Variants in DACH1 observed in about 807,000 individuals in gnomAD.
The protein encoded by DACH1 is dachshund homolog 1.
A neutral mutation model predicts 54.2 loss-of-function variants in DACH1; 12 were observed. That is an observed-to-expected ratio of 0.22 (90% CI 0.14 to 0.36). The LOEUF (loss-of-function observed/expected upper bound fraction) is 0.36. Ranked by LOEUF, DACH1 falls within the 10% of genes least tolerant of loss-of-function variation. The probability of loss-of-function intolerance (pLI) is 1.00; values close to 1 mark genes in which losing one functional copy is unlikely to be tolerated. For synonymous variants in DACH1, 386 were observed against 366.2 expected (o/e 1.05, Z -0.62); for missense variants, 805 against 929.8 (o/e 0.87, Z 1.75).
At chr13:71,825,440 C>T (rs1006523883) in intron 1 of DACH1, among the ~76,000 whole-genome samples, 11 of 151,966 alleles carry the variant, frequency 7.2e-5, no homozygotes, top group Non-Finnish European at 1.3e-4. Context: ...TAAAAGAAAC[C>T]ACATACTTAT....
intron 6 of DACH1, among the ~76,000 whole-genome samples, chr13:71,543,281 T>C (rs1883252084): frequency 6.6e-6 from 1 of 152,104 alleles, no homozygotes; most frequent in South Asian, 2.1e-4. Context: ...TACACTGGAA[T>C]CAGCACACAT....
At chr13:71,597,687 C>T (rs1874193296) in intron 3 of DACH1, among the ~76,000 whole-genome samples, 2 of 152,142 alleles carry the variant, frequency 1.3e-5, no homozygotes, top group South Asian at 4.1e-4. Flanking sequence ...CCTACTAGGT[C>T]AAAAGATGAT....
chr13:71,665,241 A>G (rs1879753317), intron 2 of DACH1, among the ~76,000 whole-genome samples: 1 of 151,988 alleles, frequency 6.6e-6, no homozygotes, highest in African/African-American at 2.4e-5. Context: ...AGTTTAGTAG[A>G]CTTTTCCACA....
At chr13:71,497,891 CACACACACACAGAT>C (rs1329512126) in intron 6 of DACH1, among the ~76,000 whole-genome samples, 2 of 145,644 alleles carry the variant, frequency 1.4e-5, no homozygotes, top group African/African-American at 5.1e-5. Flanking sequence ...CACACACACA[CACACACACACAGAT>C]ACACAGACAC....
chr13:71,787,623 C>T (rs1886655463), intron 1 of DACH1, among the ~76,000 whole-genome samples: 1 of 152,144 alleles, frequency 6.6e-6, no homozygotes, highest in Admixed American at 6.6e-5. Context: ...ATAAAAACAG[C>T]TCTCCTCCTT....
At chr13:71,500,345 CCT>C (rs1879806213) in intron 6 of DACH1, among the ~76,000 whole-genome samples, 1 of 151,992 alleles carries the variant, frequency 6.6e-6, no homozygotes, top group South Asian at 2.1e-4. Context: ...AGTTTGATAC[CCT>C]GTTCTCTTCT....
chr13:71,503,364 A>G (rs527342671), intron 6 of DACH1, among the ~76,000 whole-genome samples: 9 of 152,282 alleles, frequency 5.9e-5, no homozygotes, highest in Admixed American at 5.2e-4. Context: ...GATATAATTT[A>G]TTTTCAAAAC....
At chr13:71,811,688 G>T (rs1174125184) in intron 1 of DACH1, among the ~76,000 whole-genome samples, 1 of 152,154 alleles carries the variant, frequency 6.6e-6, no homozygotes, top group Non-Finnish European at 1.5e-5. Flanking sequence ...TGTTTCACCT[G>T]CCATGTTGGT....
intron 3 of DACH1, among the ~76,000 whole-genome samples, chr13:71,578,017 T>G (rs1885641368): frequency 6.6e-6 from 1 of 152,136 alleles, no homozygotes; most frequent in Non-Finnish European, 1.5e-5. Context: ...ACACATAAAA[T>G]AAACACAAAA....
At chr13:71,638,901 T>C (rs1256813972) in intron 2 of DACH1, among the ~76,000 whole-genome samples, 4 of 152,150 alleles carry the variant, frequency 2.6e-5, no homozygotes, top group African/African-American at 7.2e-5. Flanking sequence ...GTCCAACAAT[T>C]CAATTCAGAA....
chr13:71,590,007 C>A (rs1437991942), intron 3 of DACH1, among the ~76,000 whole-genome samples: 1 of 151,928 alleles, frequency 6.6e-6, no homozygotes, highest in African/African-American at 2.4e-5. Flanking sequence ...TAAACTTCTA[C>A]AATTAACTAA....
chr13:71,812,491 A>G (rs1379538920), intron 1 of DACH1, among the ~76,000 whole-genome samples: 1 of 148,716 alleles, frequency 6.7e-6, no homozygotes, highest in Non-Finnish European at 1.5e-5. Context: ...AGGACAGGTC[A>G]AAGGTGGTTA....
At chr13:71,783,850 T>G (rs1432116595) in intron 1 of DACH1, among the ~76,000 whole-genome samples, 4 of 151,520 alleles carry the variant, frequency 2.6e-5, no homozygotes, top group Admixed American at 2.6e-4. Context: ...GTTTTTTTTT[T>G]GTTTCCTTTT....
intron 1 of DACH1, among the ~76,000 whole-genome samples, chr13:71,827,918 G>A (rs1888441059): frequency 6.6e-6 from 1 of 151,970 alleles, no homozygotes; most frequent in African/African-American, 2.4e-5. Flanking sequence ...TTGTGTAGTG[G>A]ACAATAACAA....
intron 1 of DACH1, among the ~76,000 whole-genome samples, chr13:71,820,105 GA>G (rs59126150): frequency 0.041 from 2,196 of 53,892 alleles, 39 homozygotes; most frequent in African/African-American, 0.13. Context: ...TGCCTCTACC[GA>G]AAAAAAAAAA....
chr13:71,481,018 A>G (rs151175339), intron 7 of DACH1, among the ~76,000 whole-genome samples: 1 of 152,178 alleles, frequency 6.6e-6, no homozygotes, highest in Non-Finnish European at 1.5e-5. Context: ...ATTCAACAAC[A>G]TTCCTGTGTA....
At chr13:71,667,093 A>G (rs1020569092) in intron 2 of DACH1, among the ~76,000 whole-genome samples, 7 of 152,314 alleles carry the variant, frequency 4.6e-5, no homozygotes, top group Non-Finnish European at 8.8e-5. Flanking sequence ...GCCTATAACA[A>G]GGAATTTTCA....
chr13:71,560,926 T>C (rs977073227), intron 4 of DACH1, among the ~76,000 whole-genome samples: 3 of 152,200 alleles, frequency 2.0e-5, no homozygotes, highest in Admixed American at 6.5e-5. Context: ...TATGTAGATG[T>C]ATAATGTACT....
intron 1 of DACH1, among the ~76,000 whole-genome samples, chr13:71,699,349 TA>T (rs1463958029): frequency 1.3e-5 from 2 of 152,250 alleles, no homozygotes; most frequent in Non-Finnish European, 2.9e-5. Context: ...CAGTCAATTT[TA>T]AAATTGTATT....
Sources: gnomAD v4.1 joint callset for allele counts (sites outside exome capture counted in the v4.1 genomes callset) on GRCh38, gnomAD v4.1.1 for gene constraint, MANE v1.5 for transcripts, NCBI Gene and HGNC (gene_info 2026-07-23, HGNC 2026-07-21) for gene names.